Variants in LARGE1 observed in about 807,000 individuals in gnomAD.
LARGE1 encodes the protein xylosyl- and glucuronyltransferase LARGE1.
In LARGE1, 43 loss-of-function variants were observed where a neutral mutation model predicts 87.6. That is an observed-to-expected ratio of 0.49 (90% CI 0.38 to 0.63). LARGE1 has a LOEUF of 0.63. Ranked by LOEUF, LARGE1 falls within the 30% of genes least tolerant of loss-of-function variation. The probability of loss-of-function intolerance (pLI) is 0.00; values close to 1 mark genes in which losing one functional copy is unlikely to be tolerated. For synonymous variants in LARGE1, 434 were observed against 394.6 expected, an observed-to-expected ratio of 1.10 and a Z score of -1.18; for missense variants, 802 against 1,000.2, an observed-to-expected ratio of 0.80 and a Z score of 2.67.
rs973384301 is a variant in LARGE1 at position 33,698,485 on chromosome 22, C to T, written c.107-47817G>A. Among the ~76,000 whole-genome samples the T allele has an allele frequency of 2.8e-5, 4 of 142,712 alleles. No homozygotes were observed. The East Asian group carries it at 6.2e-4, about 22-fold the overall frequency. The allele number at this position is 142,712 out of a possible 152,430, so 93.6% of individuals were successfully genotyped here. A position where few individuals can be genotyped will look rare whatever the true frequency, so the allele number is the denominator to read the frequency against. ...TCGGCTAATTTTTGTATTCTTTTTG[C>T]TTTTTGTAGAGATGGGATTTCACCA... is the stretch of plus-strand genomic sequence containing the variant. On this transcript the variant is annotated intron_variant, in intron 2 of 14. Transcript: ENST00000397394.
intron 1 of LARGE1, among the ~76,000 whole-genome samples, chr22:33,802,541 C>A (rs2086193222): frequency 6.6e-6 from 1 of 152,130 alleles, no homozygotes; most frequent in Non-Finnish European, 1.5e-5. Context: ...GGTTTTCTTC[C>A]CCGTTCTGGT....
intron 6 of LARGE1, among the ~76,000 whole-genome samples, chr22:33,520,148 G>A (rs1481473920): frequency 6.6e-6 from 1 of 151,826 alleles, no homozygotes; most frequent in Non-Finnish European, 1.5e-5. Flanking sequence ...GGGGCTACAG[G>A]CCTGTGCTGC....
At chr22:33,851,264 A>T (rs559903006) in intron 1 of LARGE1, among the ~76,000 whole-genome samples, 2 of 152,120 alleles carry the variant, frequency 1.3e-5, no homozygotes, top group Admixed American at 6.5e-5. Context: ...GGGTCTCTTG[A>T]CTCCTAAACA....
intron 11 of LARGE1, among the ~76,000 whole-genome samples, chr22:33,256,270 G>T (rs1040176868): frequency 1.3e-5 from 2 of 152,240 alleles, no homozygotes; most frequent in African/African-American, 4.8e-5. Context: ...GGGAATGTCT[G>T]TGTTATTTAA....
At chr22:33,457,394 C>A (rs1365173690) in intron 6 of LARGE1, among the ~76,000 whole-genome samples, 3 of 141,910 alleles carry the variant, frequency 2.1e-5, no homozygotes, top group African/African-American at 7.9e-5. Context: ...TCAAGTGATT[C>A]ATCTGCCCGC....
At chr22:33,268,435 T>TA (rs1261368830), downstream of LARGE1, among the ~76,000 whole-genome samples, 5 of 151,002 alleles carry the variant, frequency 3.3e-5, no homozygotes, top group African/African-American at 1.2e-4. Flanking sequence ...AAAACTTTTT[T>TA]TTTTTTTTTT....
chr22:33,845,412 G>A (rs957099760), intron 1 of LARGE1, among the ~76,000 whole-genome samples: 3 of 152,084 alleles, frequency 2.0e-5, no homozygotes, highest in African/African-American at 4.8e-5. Flanking sequence ...GGGTTCAGGC[G>A]ATTCTCCTGC....
At chr22:33,741,985 T>G (rs528109920) in intron 2 of LARGE1, among the ~76,000 whole-genome samples, 15 of 152,320 alleles carry the variant, frequency 9.8e-5, no homozygotes, top group African/African-American at 3.6e-4. Context: ...AACGTACCAG[T>G]TGTCACCAAC....
intron 1 of LARGE1, among the ~76,000 whole-genome samples, chr22:33,844,054 GGGTGACAAAA>G (rs1380070075): frequency 1.2e-5 from 1 of 86,432 alleles, no homozygotes; most frequent in African/African-American, 4.8e-5. Flanking sequence ...ACTCCAGCCT[GGGTGACAAAA>G]GTGAAACTCC....
chr22:33,883,572 A>C (rs2064759430), intron 1 of LARGE1, among the ~76,000 whole-genome samples: 1 of 152,218 alleles, frequency 6.6e-6, no homozygotes, highest in South Asian at 2.1e-4. Context: ...TGCCCAGGAG[A>C]CCCAGAACAA....
chr22:33,134,264 T>TC, the LARGE1 span, among the ~76,000 whole-genome samples: 1 of 149,674 alleles, frequency 6.7e-6, no homozygotes, highest in East Asian at 2.0e-4. Context: ...CCTTTTTTTT[T>TC]TTTTTTTTTT....
Position 33,331,605 on chromosome 22 carries a change from G to A in LARGE1, c.1287+6041C>T, listed in dbSNP as rs558955982. On this transcript the variant is annotated intron_variant, in intron 10 of 14. Coordinates refer to ENST00000397394, the MANE Select transcript of LARGE1 (RefSeq NM_133642.5). ...GTACTTTTAGTAGAGACGGGGTTTC[G>A]CCATGTTAGCCAGGCTGGTCTTGAA... 4.2e-4 allele frequency among the ~76,000 whole-genome samples: 64 copies of A among 151,986 alleles called. 1 individual carries two copies. The highest frequency in any genetic ancestry group is 1.4e-3 in the African/African-American group (60 of 41,446).
intron 9 of LARGE1, among the ~76,000 whole-genome samples, chr22:33,347,389 G>A (rs1395529625): frequency 4.6e-5 from 7 of 152,140 alleles, no homozygotes; most frequent in African/African-American, 1.7e-4. Flanking sequence ...GCTGCCCTTT[G>A]GTTCAAGAAT....
chr22:33,068,846 G>C, the LARGE1 span, among the ~76,000 whole-genome samples: 1 of 152,028 alleles, frequency 6.6e-6, no homozygotes, highest in Non-Finnish European at 1.5e-5. Context: ...CAAAACACTT[G>C]AAGGAAAAGC....
At chr22:33,580,293 C>A (rs566128172) in intron 5 of LARGE1, among the ~76,000 whole-genome samples, 1 of 151,834 alleles carries the variant, frequency 6.6e-6, no homozygotes, top group Non-Finnish European at 1.5e-5. Flanking sequence ...TCGCTTGAAC[C>A]CAGGTGGCGG....
chr22:33,279,630 C>T (rs1236323297), intron 13 of LARGE1, among the ~76,000 whole-genome samples: 1 of 152,180 alleles, frequency 6.6e-6, no homozygotes, highest in Non-Finnish European at 1.5e-5. Context: ...TCCATCAACA[C>T]AGCAACTTCC....
chr22:33,684,248 T>C (rs2081875878), intron 2 of LARGE1, among the ~76,000 whole-genome samples: 1 of 152,084 alleles, frequency 6.6e-6, no homozygotes, highest in Admixed American at 6.6e-5. Flanking sequence ...TCCACTCCCT[T>C]CTCTGACCTT....
At chr22:33,401,439 G>C (rs2065922973) in intron 7 of LARGE1, among the ~76,000 whole-genome samples, 1 of 152,136 alleles carries the variant, frequency 6.6e-6, no homozygotes. Context: ...CATCTAGCCA[G>C]ATTGATGAGG....
At chr22:33,515,941 G>C (rs1478744282) in intron 6 of LARGE1, among the ~76,000 whole-genome samples, 2 of 152,160 alleles carry the variant, frequency 1.3e-5, no homozygotes, top group Non-Finnish European at 2.9e-5. Flanking sequence ...CACCAGCCTG[G>C]CACCTTGCCA....
Sources: gnomAD v4.1 joint callset for allele counts (sites outside exome capture counted in the v4.1 genomes callset) on GRCh38, gnomAD v4.1.1 for gene constraint, MANE v1.5 for transcripts, NCBI Gene and HGNC (gene_info 2026-07-23, HGNC 2026-07-21) for gene names.